The following PCNX3 variants were observed in gnomAD, a reference collection of about 807,000 sequenced individuals.
PCNX3 encodes the protein pecanex 3, also known as pecanex-like protein 3.
PCNX3 carries 58 observed loss-of-function variants against 207.2 expected under a neutral mutation model. That is an observed-to-expected ratio of 0.28 (90% CI 0.23 to 0.35). The LOEUF is 0.35. Ranked by LOEUF, PCNX3 falls within the 10% of genes least tolerant of loss-of-function variation. PCNX3 has a pLI of 1.00. For missense variants in PCNX3, 2,410 were observed against 2,774.4 expected, an observed-to-expected ratio of 0.87 and a Z score of 2.95; for synonymous variants, 1,337 against 1,183.5, an observed-to-expected ratio of 1.13 and a Z score of -2.66.
intron 25 of PCNX3, 52 bp downstream of exon 25, chr11:65,629,467 G>A (rs1403823148): frequency 6.2e-7 from 1 of 1,610,802 alleles, no homozygotes; most frequent in Non-Finnish European, 8.5e-7. Flanking sequence ...CCTGGGGAGG[G>A]AGCCTCGCTA....
Position 65,619,869 on chromosome 11 carries a change from C to T in PCNX3, c.1945C>T (p.His649Tyr). The T allele has an allele frequency of 6.2e-7, 1 of 1,611,384 alleles. No homozygotes were observed. The highest frequency in any genetic ancestry group is 8.5e-7 in the Non-Finnish European group (1 of 1,179,656). The change falls in exon 8 of 35, where the codon CAT becomes TAT. Residue 649 changes from histidine to tyrosine, a missense_variant. By Grantham distance (83) the His-to-Tyr change is moderately conservative (BLOSUM62 2). Transcript: ENST00000355703. ...LLLTRAGANV[H>Y]EACTFDDTSE... ...GCTCACCCGGGCCGGTGCCAATGTG[C>T]ATGAGGCCTGCACCTTTGATGACAC...
chr11:65,637,217 G>T lies in PCNX3; in HGVS notation c.*239G>T, dbSNP rs1172108995. 5 of 561,738 alleles carry T rather than the reference G, an allele frequency of 8.9e-6. No homozygotes were observed. The highest frequency in any genetic ancestry group is 1.9e-5 in the African/African-American group (1 of 53,158). 34.8% of individuals were successfully genotyped at this position (561,738 alleles called of 1,614,324 possible). ...ATGGAGGCAGTCAGCCTCCCAGCCA[G>T]GCCCTAAGAGCCAAACCATGGGCTG... On this transcript the variant is annotated 3_prime_UTR_variant, in exon 35 of 35. Transcript: ENST00000355703.
chr11:65,624,919 A>C lies in PCNX3; in HGVS notation c.2828-6A>C, dbSNP rs1481070177. ...GAGCTGGGCTGTACTTCTCCCTTCCACACAGCTGCCACCAGCCCGCTCACG... is the reference window on the plus strand; with the variant it reads ...GAGCTGGGCTGTACTTCTCCCTTCCCCACAGCTGCCACCAGCCCGCTCACG... On this transcript the variant is annotated splice_region_variant and splice_polypyrimidine_tract_variant and intron_variant, in intron 15 of 34. Transcript: ENST00000355703. 1 of 1,605,460 alleles carries C rather than the reference A, an allele frequency of 6.2e-7. No homozygotes were observed. Among genetic ancestry groups the C allele is most frequent in the Non-Finnish European group, 8.5e-7 (1 of 1,177,724 alleles).
At position 65,635,266 on chromosome 11, in the gene PCNX3, G is replaced by A. The variant is rs958081833; in HGVS notation, c.5002G>A (p.Asp1668Asn). The A allele has an allele frequency of 1.9e-6, 3 of 1,589,672 alleles. No individual in the cohort carries two copies. The highest frequency in any genetic ancestry group is 2.7e-5 in the African/African-American group (2 of 74,370). ...DEYEEPAALY[D>N]AIAANEERLV... Reference sequence around the variant, plus strand: ...ATATGAGGAGCCAGCAGCCCTATACGATGCCATTGCGGCCAACGAGGAGCG... The same window carrying A: ...ATATGAGGAGCCAGCAGCCCTATACAATGCCATTGCGGCCAACGAGGAGCG... The change falls in exon 31 of 35, where the codon GAT becomes AAT. Residue 1668 changes from aspartate to asparagine, a missense_variant. Physicochemically the swap from Asp to Asn is conservative, Grantham distance 23. This residue lies in a region of PCNX3 where 420 missense variants were observed against 705.3 expected (regional missense o/e 0.60). Coordinates refer to ENST00000355703, the MANE Select transcript of PCNX3 (RefSeq NM_032223.4). The surrounding 1 kb of genome is among the most constrained non-coding windows in gnomAD (Gnocchi z 9.9).
At position 65,629,622 on chromosome 11, in the gene PCNX3, A is replaced by G. The variant is rs773543551; in HGVS notation, c.4103A>G (p.Tyr1368Cys). ...CTGGTGCTGGGCCGCTGGGGCAACT[A>G]TGGCCCTGGTGACTGCTTCGTCCTG... ...GDLVLGRWGNYGPGDCFVLAS... is the reference protein window; with the variant it reads ...GDLVLGRWGNCGPGDCFVLAS... The change falls in exon 26 of 35, where the codon TAT (tyrosine) becomes TGT (cysteine). Residue 1368 changes from tyrosine (Y) to cysteine (C), a missense_variant. Physicochemically the swap from Tyr to Cys is radical, Grantham distance 194 (BLOSUM62 -2). This residue lies in a region of PCNX3 where 420 missense variants were observed against 705.3 expected (regional missense o/e 0.60). Coordinates refer to ENST00000355703, the MANE Select transcript of PCNX3 (RefSeq NM_032223.4). 57 of 1,609,712 alleles carry G rather than the reference A, an allele frequency of 3.5e-5. No homozygotes were observed. The highest frequency in any genetic ancestry group is 4.0e-5 in the African/African-American group (3 of 74,894).
intron 24 of PCNX3, 95 bp from the exon 25 acceptor site, chr11:65,629,262 A>G: frequency 7.6e-7 from 1 of 1,319,198 alleles, no homozygotes; most frequent in Non-Finnish European, 1.1e-6. Flanking sequence ...GCTGTCCTGG[A>G]TGGCGTTGAC....
At position 65,634,661 on chromosome 11, in the gene PCNX3, G is replaced by A. The variant is rs761752375; in HGVS notation, c.4805+20G>A. On this transcript the variant is annotated intron_variant, in intron 29 of 34. Coordinates refer to ENST00000355703, the MANE Select transcript of PCNX3 (RefSeq NM_032223.4). ...TGCAAGGTGAGTGCTCGGGTGTCCC[G>A]CGGGGCCTACTGCCGTCCCCACCCC... is the stretch of plus-strand genomic sequence containing the variant. 9.0e-6 allele frequency: 14 copies of A among 1,547,078 alleles called. No homozygotes were observed. Among genetic ancestry groups the A allele is most frequent in the East Asian group, 2.4e-5 (1 of 41,936 alleles).
intron 25 of PCNX3, 37 bp downstream of exon 25, chr11:65,629,452 G>T (rs368329754): frequency 5.0e-6 from 8 of 1,610,866 alleles, no homozygotes; most frequent in Non-Finnish European, 5.1e-6. Context: ...TTAGGGCAGG[G>T]CCTCCCTGGG....
chr11:65,637,099 T>G lies in PCNX3; in HGVS notation c.*121T>G, dbSNP rs1042350504. On this transcript the variant is annotated 3_prime_UTR_variant, in exon 35 of 35. Coordinates refer to ENST00000355703, the MANE Select transcript of PCNX3 (RefSeq NM_032223.4). ...ACATGTCTGAACCCTGACCTTTGGC[T>G]GCCTTGGCCAGAGTACCAAAACTGA... 2 of 1,155,972 alleles carry G rather than the reference T, an allele frequency of 1.7e-6. No homozygotes were observed. Among genetic ancestry groups the G allele is most frequent in the East Asian group, 5.2e-5 (2 of 38,790 alleles). 71.6% of individuals were successfully genotyped at this position (1,155,972 alleles called of 1,614,324 possible). A position where few individuals can be genotyped will look rare whatever the true frequency, so the allele number is the denominator to read the frequency against.
rs542107162 is a variant in PCNX3 at position 65,625,827 on chromosome 11, C to T, written c.3229-77C>T. The T allele has an allele frequency of 2.6e-5, 41 of 1,596,560 alleles. No homozygotes were observed. The highest frequency in any genetic ancestry group is 2.2e-4 in the South Asian group (20 of 89,040). On this transcript the variant is annotated intron_variant, in intron 19 of 34. Coordinates refer to ENST00000355703, the MANE Select transcript of PCNX3 (RefSeq NM_032223.4). This position sits in a 1 kb window ranked among gnomAD's most constrained non-coding sequence, Gnocchi z 5.6. Reference sequence around the variant, plus strand: ...CTGAGTGCCGTGGGCAGCCCCTCCCCGGCCTGTGCCAGGTGGCCCTCTGTG... The same window carrying T: ...CTGAGTGCCGTGGGCAGCCCCTCCCTGGCCTGTGCCAGGTGGCCCTCTGTG...
Position 65,629,665 on chromosome 11 carries a change from C to T in PCNX3, c.4146C>T (p.Asn1382=), listed in dbSNP as rs763837868. The T allele has an allele frequency of 1.3e-5, 21 of 1,580,822 alleles. No homozygotes were observed. The highest frequency in any genetic ancestry group is 4.6e-5 in the East Asian group (2 of 43,148). ...DCFVLASDYL[N]ALVHLIEVGN... ...TCGTCCTGGCCTCTGACTACCTCAA[C>T]GCCCTGGTGCACCTCATCGAGGTTG... is the stretch of plus-strand genomic sequence containing the variant. The change falls in exon 26 of 35, where the codon AAC becomes AAT. Residue 1382 remains asparagine (N), a synonymous_variant. Transcript: ENST00000355703.
chr11:65,621,386 C>T (rs369129887), intron 10 of PCNX3, among the ~76,000 whole-genome samples: 1 of 152,228 alleles, frequency 6.6e-6, no homozygotes, highest in Non-Finnish European at 1.5e-5. Context: ...ATACTCATTA[C>T]CAGCGCTCTG....
At chr11:65,631,284 C>A (rs571106155) in intron 27 of PCNX3, among the ~76,000 whole-genome samples, 15 of 152,130 alleles carry the variant, frequency 9.9e-5, no homozygotes, top group Non-Finnish European at 1.3e-4. Flanking sequence ...TTCTGATCAG[C>A]CTGGAATGTT....
Position 65,625,137 on chromosome 11 carries a change from C to A in PCNX3, c.2920-34C>A. 6.3e-7 allele frequency: 1 copy of A among 1,575,338 alleles called. No individual in the cohort carries two copies. On this transcript the variant is annotated intron_variant, in intron 16 of 34. Transcript: ENST00000355703. This position sits in a 1 kb window ranked among gnomAD's most constrained non-coding sequence, Gnocchi z 5.6. The stretch of plus-strand genomic sequence containing the variant: ...GGCAGCCCGGGCCCCATGCTTACCT[C>A]ACCTCCCCTGACCAGCATGGATTCT...
rs201519588 is a variant in PCNX3, at chr11:65,618,657, C to G, written c.1295C>G (p.Pro432Arg). The G allele has an allele frequency of 6.2e-7, 1 of 1,613,068 alleles. No individual in the cohort carries two copies. The highest frequency in any genetic ancestry group is 8.5e-7 in the Non-Finnish European group (1 of 1,179,838). The change falls in exon 6 of 35, where the codon CCG (proline) becomes CGG (arginine). Residue 432 changes from proline to arginine, a missense_variant. Transcript: ENST00000355703. ...EDTSEGSELS[P>R]ASSLRSQRRY... The stretch of plus-strand genomic sequence containing the variant: ...ACTAGTGAGGGCAGTGAACTGAGCC[C>G]GGCCTCCAGTCTCCGATCGCAGCGC...
In PCNX3 at chr11:65,636,252, G is replaced by C; in HGVS notation, c.5538G>C (p.Leu1846=). The C allele has an allele frequency of 6.3e-7, 1 of 1,590,720 alleles. No homozygotes were observed. Among genetic ancestry groups the C allele is most frequent in the Non-Finnish European group, 8.6e-7 (1 of 1,168,354 alleles). ...CAGACTGTAGTGGGGGCGGTGGCCT[G>C]ACCTCCCTCAGCAATAACCCCCCCG... ...DDSDCSGGGG[L]TSLSNNPPVA... Residue 1846 remains leucine (L), a synonymous_variant, in exon 33 of 35, where the codon CTG becomes CTC. Coordinates refer to ENST00000355703, the MANE Select transcript of PCNX3 (RefSeq NM_032223.4).
rs771971342 is a variant in PCNX3, at chr11:65,625,319, T to G, written c.3029+39T>G. 7.5e-5 allele frequency: 119 copies of G among 1,590,614 alleles called. No individual in the cohort carries two copies. The highest frequency in any genetic ancestry group is 1.0e-4 in the Non-Finnish European group (118 of 1,166,840). On this transcript the variant is annotated intron_variant, in intron 17 of 34. Coordinates refer to ENST00000355703, the MANE Select transcript of PCNX3 (RefSeq NM_032223.4). This position sits in a 1 kb window ranked among gnomAD's most constrained non-coding sequence, Gnocchi z 5.6. ...GGGTCGTGTGTTTGTGTCTGCCCAG[T>G]AGGGGTTTGTGGTCTGTGCATGTGC...
chr11:65,629,210 A>G lies in PCNX3; in HGVS notation c.3942-147A>G. On this transcript the variant is annotated intron_variant, in intron 24 of 34. Transcript: ENST00000355703. ...CTGTGTGTCCTGTGTGAGTCCCTTCATGTACCTGAGCCTCAGTCTCCTCAT... is the reference window on the plus strand; with the variant it reads ...CTGTGTGTCCTGTGTGAGTCCCTTCGTGTACCTGAGCCTCAGTCTCCTCAT... 7.3e-6 allele frequency: 7 copies of G among 961,224 alleles called. No individual in the cohort carries two copies. In the East Asian group the frequency reaches 7.9e-5, roughly 11 times the overall value. 59.5% of individuals were successfully genotyped at this position (961,224 alleles called of 1,614,324 possible).
rs369951355 is a variant in PCNX3 at position 65,618,672 on chromosome 11, G to A, written c.1310G>A (p.Arg437Gln). 66 of 1,613,296 alleles carry A rather than the reference G, an allele frequency of 4.1e-5. No individual in the cohort carries two copies. The African/African-American group carries it at 7.3e-4, about 18-fold the overall frequency. Reference sequence around the variant, plus strand: ...GAACTGAGCCCGGCCTCCAGTCTCCGATCGCAGCGCCGCTACAGTACTGAC... The same window carrying A: ...GAACTGAGCCCGGCCTCCAGTCTCCAATCGCAGCGCCGCTACAGTACTGAC... ...GSELSPASSL[R>Q]SQRRYSTDSS... is the part of the protein sequence containing the mutation. The change falls in exon 6 of 35, where the codon CGA becomes CAA. Residue 437 changes from arginine to glutamine, a missense_variant. Arg to Gln is a conservative substitution (Grantham distance 43). Transcript: ENST00000355703.
Sources: gnomAD v4.1 joint callset for allele counts (sites outside exome capture counted in the v4.1 genomes callset) on GRCh38, gnomAD v4.1.1 for gene constraint, gnomAD v4.1.1 regional missense constraint, Gnocchi (gnomAD v3.1) non-coding constraint, MANE v1.5 for transcripts, NCBI Gene and HGNC (gene_info 2026-07-23, HGNC 2026-07-21) for gene names.